The following COIL variants were observed in gnomAD, a reference collection of about 807,000 sequenced individuals.
COIL encodes the protein coilin p80.
In COIL, 28 loss-of-function variants were observed where a neutral mutation model predicts 51.6. The observed-to-expected ratio is 0.54, with a 90% CI of 0.40 to 0.74. The LOEUF (loss-of-function observed/expected upper bound fraction) is 0.74, where lower values mean the gene tolerates loss of function less well. Among genes scored for constraint, COIL ranks in the 30% least tolerant of loss-of-function variants. The pLI is 0.00. For synonymous variants in COIL, 233 were observed against 255.8 expected (o/e 0.91, Z 0.85); for missense variants, 667 against 685.9 (o/e 0.97, Z 0.31).
intron 1 of COIL, among the ~76,000 whole-genome samples, chr17:56,954,082 G>A (rs1910435313): frequency 6.6e-6 from 1 of 152,112 alleles, no homozygotes; most frequent in Non-Finnish European, 1.5e-5. Flanking sequence ...TGACCAAATA[G>A]GACCAAACTT....
In COIL at chr17:56,939,537, G is replaced by C. The variant is rs896191982; in HGVS notation, c.1648-383C>G. On this transcript the variant is annotated intron_variant, in intron 6 of 6. Coordinates refer to ENST00000240316, the MANE Select transcript of COIL (RefSeq NM_004645.3). ...GGCCAAGGCAGTCGGATCATCTAAA[G>C]TCAGGAGTTCAAGACCAGCCTGGCC... is the stretch of plus-strand genomic sequence containing the variant. Among the ~76,000 whole-genome samples, 3 of 152,202 alleles carry C rather than the reference G, an allele frequency of 2.0e-5. No individual in the cohort carries two copies. In the East Asian group the frequency reaches 5.8e-4, roughly 29 times the overall value.
Position 56,949,989 on chromosome 17 carries a change from C to A in COIL, c.1253G>T (p.Gly418Val), listed in dbSNP as rs1187335057. The change falls in exon 2 of 7, where the codon GGA becomes GTA. Residue 418 changes from glycine to valine, a missense_variant. Coordinates refer to ENST00000240316, the MANE Select transcript of COIL (RefSeq NM_004645.3). ...AACACAGGAAACAGGATGCCCTCGTCCTCGACCTCTCCCCCGCATGCCCCG... is the reference window on the plus strand; with the variant it reads ...AACACAGGAAACAGGATGCCCTCGTACTCGACCTCTCCCCCGCATGCCCCG... ...KGRGMRGRGR[G>V]RGHPVSCVVN... 6.2e-7 allele frequency: 1 copy of A among 1,614,050 alleles called. No homozygotes were observed. The highest frequency in any genetic ancestry group is 1.3e-5 in the African/African-American group (1 of 74,934).
intron 6 of COIL, 35 bp downstream of exon 6, chr17:56,942,000 A>G (rs945352912): frequency 8.5e-6 from 13 of 1,529,066 alleles, no homozygotes; most frequent in African/African-American, 4.1e-5. Flanking sequence ...GAGAGAACGA[A>G]TGGCCAAGCA....
chr17:56,947,835 T>C (rs2144396259), intron 4 of COIL, among the ~76,000 whole-genome samples: 1 of 152,316 alleles, frequency 6.6e-6, no homozygotes, highest in South Asian at 2.1e-4. Context: ...TTGTGGGATG[T>C]ATCAATACAA....
rs188451106 is a variant in COIL, at chr17:56,939,321, G to A, written c.1648-167C>T. On this transcript the variant is annotated intron_variant, in intron 6 of 6. Transcript: ENST00000240316. ...AGTATAGTAACTCTTTAGGCCAGGC[G>A]CTGTGGCTCACACCTGTAATCCCAG... is the stretch of plus-strand genomic sequence containing the variant. 1.1e-4 allele frequency among the ~76,000 whole-genome samples: 16 copies of A among 152,170 alleles called. No individual in the cohort carries two copies. The East Asian group carries it at 2.7e-3, about 26-fold the overall frequency.
At chr17:56,945,906 G>C (rs1910241120) in intron 5 of COIL, among the ~76,000 whole-genome samples, 1 of 152,196 alleles carries the variant, frequency 6.6e-6, no homozygotes, top group Non-Finnish European at 1.5e-5. Flanking sequence ...AGTAGAGACA[G>C]GGTTTCACCA....
intron 1 of COIL, among the ~76,000 whole-genome samples, chr17:56,954,560 CA>C (rs1455856113): frequency 6.7e-6 from 1 of 148,680 alleles, no homozygotes; most frequent in African/African-American, 2.5e-5. Flanking sequence ...ACTCTGTCTC[CA>C]AAAAATAAAA....
chr17:56,946,951 AC>A (rs1484792645), intron 4 of COIL, among the ~76,000 whole-genome samples: 2 of 152,134 alleles, frequency 1.3e-5, no homozygotes, highest in Non-Finnish European at 2.9e-5. Flanking sequence ...TGCTTTTAGA[AC>A]CCTTCTAAAA....
chr17:56,945,074 C>T (rs73311862), intron 5 of COIL, among the ~76,000 whole-genome samples: 18,983 of 151,952 alleles, frequency 0.12, 1,437 homozygotes, highest in African/African-American at 0.2. Flanking sequence ...CACAGTGGCT[C>T]ACACCTGTAG....
At chr17:56,947,276 A>G (rs1163916192) in intron 4 of COIL, among the ~76,000 whole-genome samples, 1 of 152,142 alleles carries the variant, frequency 6.6e-6, no homozygotes, top group Non-Finnish European at 1.5e-5. Context: ...GAACCAATTT[A>G]ATTTTTGGAG....
intron 4 of COIL, among the ~76,000 whole-genome samples, chr17:56,948,267 TG>T (rs2144396662): frequency 6.6e-6 from 1 of 151,776 alleles, no homozygotes; most frequent in South Asian, 2.1e-4. Context: ...CCTGAGTAGC[TG>T]GGACTACAGG....
intron 6 of COIL, 60 bp downstream of exon 6, chr17:56,941,975 C>A: frequency 7.4e-7 from 1 of 1,353,756 alleles, no homozygotes; most frequent in Non-Finnish European, 1.1e-6. Flanking sequence ...TTCCAAACCA[C>A]AGGTAATTGG....
chr17:56,959,082 C>A (rs77840783), intron 1 of COIL, among the ~76,000 whole-genome samples: 1 of 151,968 alleles, frequency 6.6e-6, no homozygotes, highest in Non-Finnish European at 1.5e-5. Context: ...CAGTGGCTTA[C>A]GCCTGTAATC....
At chr17:56,952,413 T>A in intron 1 of COIL, 1 of 384,688 alleles carries the variant, frequency 2.6e-6, no homozygotes, top group Non-Finnish European at 5.0e-6. Context: ...AACGATGTAA[T>A]ACGTATTTAC....
rs762114709 is a variant in COIL at position 56,949,442 on chromosome 17, AG to A, written c.1441-9del. The A allele has an allele frequency of 9.4e-6, 15 of 1,604,174 alleles. No individual in the cohort carries two copies. In the African/African-American group the frequency reaches 1.9e-4, roughly 20 times the overall value. ...GGATGTTAGCTCCAAAAGCTAAAAA[AG>A]AAGAAAAAACCCACAAATACATAAG... On this transcript the variant is annotated splice_polypyrimidine_tract_variant and intron_variant, in intron 3 of 6. Coordinates refer to ENST00000240316, the MANE Select transcript of COIL (RefSeq NM_004645.3).
chr17:56,957,098 C>G (rs1910498243), intron 1 of COIL, among the ~76,000 whole-genome samples: 1 of 151,682 alleles, frequency 6.6e-6, no homozygotes, highest in East Asian at 2.0e-4. Context: ...AGTGAGACCT[C>G]TCTACTAAAA....
intron 6 of COIL, chr17:56,941,008 G>T (rs1386699817): frequency 6.6e-6 from 1 of 151,610 alleles, no homozygotes; most frequent in Non-Finnish European, 1.5e-5. Flanking sequence ...GTGGTGGCAG[G>T]CGCCTGTAAT....
intron 6 of COIL, among the ~76,000 whole-genome samples, chr17:56,939,739 T>C (rs1910110737): frequency 2.0e-5 from 3 of 151,702 alleles, no homozygotes. Context: ...AACTCTGTGC[T>C]GGGAAAATAA....
intron 5 of COIL, among the ~76,000 whole-genome samples, chr17:56,943,111 G>C (rs77103235): frequency 0.024 from 3,662 of 152,260 alleles, 157 homozygotes; most frequent in African/African-American, 0.084. Context: ...GGGGGAGTTT[G>C]AACAGTGCTT....
Sources: gnomAD v4.1 joint callset for allele counts (sites outside exome capture counted in the v4.1 genomes callset) on GRCh38, gnomAD v4.1.1 for gene constraint, MANE v1.5 for transcripts, NCBI Gene and HGNC (gene_info 2026-07-23, HGNC 2026-07-21) for gene names.